The following LRRC4C variants were observed in gnomAD, a reference collection of about 807,000 sequenced individuals.
LRRC4C encodes leucine rich repeat containing 4C.
Under a neutral mutation model 33.6 loss-of-function variants are expected in LRRC4C, and 5 were observed. The observed-to-expected ratio is 0.15, with a 90% CI of 0.08 to 0.31. The LOEUF (loss-of-function observed/expected upper bound fraction) is 0.31. LRRC4C is among the 10% of genes least tolerant of loss of function. The pLI is 1.00. For missense variants in LRRC4C, 560 were observed against 796.7 expected (o/e 0.70, Z 3.58); for synonymous variants, 329 against 302.0 (o/e 1.09, Z -0.93).
chr11:41,028,362 T>A (rs1184288558), intron 1 of LRRC4C, among the ~76,000 whole-genome samples: 2 of 151,622 alleles, frequency 1.3e-5, no homozygotes, highest in Non-Finnish European at 3.0e-5. Context: ...ATAGTAAGAA[T>A]CTATGTTTCT....
At chr11:40,139,413 C>A (rs1857211962) in intron 6 of LRRC4C, among the ~76,000 whole-genome samples, 1 of 152,140 alleles carries the variant, frequency 6.6e-6, no homozygotes, top group African/African-American at 2.4e-5. Flanking sequence ...ATTTAGGATT[C>A]AACAAATAGG....
At chr11:40,608,409 T>A (rs1459594915) in intron 3 of LRRC4C, among the ~76,000 whole-genome samples, 2 of 151,124 alleles carry the variant, frequency 1.3e-5, no homozygotes, top group African/African-American at 2.4e-5. Context: ...GAGAAATGAA[T>A]CAAAGCCTGT....
intron 1 of LRRC4C, among the ~76,000 whole-genome samples, chr11:41,184,894 A>G (rs893984971): frequency 3.3e-5 from 5 of 152,110 alleles, no homozygotes; most frequent in Non-Finnish European, 5.9e-5. Context: ...GTGGAAGGCA[A>G]AGAGGAGCAA....
At chr11:41,295,753 C>T (rs751437805) in intron 1 of LRRC4C, among the ~76,000 whole-genome samples, 24 of 152,056 alleles carry the variant, frequency 1.6e-4, no homozygotes, top group Non-Finnish European at 3.4e-4. Flanking sequence ...TTATTATTTC[C>T]ATCTACCTGA....
chr11:40,913,621 C>A (rs1235613413), intron 2 of LRRC4C, among the ~76,000 whole-genome samples: 1 of 152,142 alleles, frequency 6.6e-6, no homozygotes, highest in African/African-American at 2.4e-5. Flanking sequence ...GACACCCTAA[C>A]ATCACTATTA....
intron 2 of LRRC4C, among the ~76,000 whole-genome samples, chr11:40,659,548 C>T (rs1943314719): frequency 6.6e-6 from 1 of 152,082 alleles, no homozygotes; most frequent in African/African-American, 2.4e-5. Context: ...CCTTGTGAGC[C>T]CATAAAAACC....
At chr11:40,743,864 A>G (rs1948285482) in intron 2 of LRRC4C, among the ~76,000 whole-genome samples, 1 of 151,966 alleles carries the variant, frequency 6.6e-6, no homozygotes, top group Non-Finnish European at 1.5e-5. Context: ...CTGTTACTTG[A>G]TAGACGTGCT....
rs183796866 is a variant in LRRC4C at position 40,688,707 on chromosome 11, C to T, written c.-406-40429G>A. On this transcript the variant is annotated intron_variant, in intron 2 of 6. Coordinates refer to ENST00000528697, the MANE Select transcript of LRRC4C (RefSeq NM_001258419.2). ...GGAAAACTTTTTACAAGAAATGACA[C>T]GAAAGATGACATAGAAGGCCAATTC... 1.7e-4 allele frequency among the ~76,000 whole-genome samples: 26 copies of T among 152,160 alleles called. 1 individual carries two copies. Among genetic ancestry groups the T allele is most frequent in the African/African-American group, 5.5e-4 (23 of 41,512 alleles).
intron 5 of LRRC4C, among the ~76,000 whole-genome samples, chr11:40,158,848 A>G (rs930691941): frequency 3.3e-5 from 5 of 152,208 alleles, no homozygotes; most frequent in African/African-American, 1.2e-4. Context: ...CATGAAACTC[A>G]TATCAAATCA....
At chr11:41,231,771 A>G (rs1026702767) in intron 1 of LRRC4C, among the ~76,000 whole-genome samples, 5 of 151,648 alleles carry the variant, frequency 3.3e-5, no homozygotes, top group East Asian at 1.9e-4. Context: ...TAATATATAT[A>G]TGTGTGTGTG....
chr11:40,237,524 T>C (rs916603982), intron 5 of LRRC4C, among the ~76,000 whole-genome samples: 7 of 152,166 alleles, frequency 4.6e-5, no homozygotes, highest in East Asian at 1.9e-4. Flanking sequence ...TTAAGTAGCA[T>C]TGTGTATATA....
intron 3 of LRRC4C, among the ~76,000 whole-genome samples, chr11:40,347,701 G>A (rs899246758): frequency 6.6e-6 from 1 of 152,066 alleles, no homozygotes; most frequent in Non-Finnish European, 1.5e-5. Context: ...CTCTGCCTCC[G>A]GGGTTCGAGC....
At chr11:41,250,315 T>C (rs1178562393) in intron 1 of LRRC4C, among the ~76,000 whole-genome samples, 2 of 152,208 alleles carry the variant, frequency 1.3e-5, no homozygotes, top group Non-Finnish European at 2.9e-5. Context: ...TAGAAGGATA[T>C]TTTAAAAGTC....
At chr11:40,610,127 C>G (rs996860862) in intron 3 of LRRC4C, among the ~76,000 whole-genome samples, 1 of 151,746 alleles carries the variant, frequency 6.6e-6, no homozygotes, top group African/African-American at 2.4e-5. Flanking sequence ...GAGAAAAAAT[C>G]CCCCCAAAAT....
chr11:40,410,743 T>C (rs11035825), intron 3 of LRRC4C, among the ~76,000 whole-genome samples: 49,784 of 151,976 alleles, frequency 0.33, 9,641 homozygotes, highest in South Asian at 0.46. Flanking sequence ...AGGTAAAAGT[T>C]CTAAATTTTG....
intron 4 of LRRC4C, among the ~76,000 whole-genome samples, chr11:40,267,724 A>C (rs1415287817): frequency 6.6e-6 from 1 of 152,134 alleles, no homozygotes; most frequent in Non-Finnish European, 1.5e-5. Context: ...AAAACTAATA[A>C]TCATACTTTG....
chr11:40,596,570 T>G (rs1959327239), intron 3 of LRRC4C, among the ~76,000 whole-genome samples: 1 of 152,100 alleles, frequency 6.6e-6, no homozygotes, highest in Non-Finnish European at 1.5e-5. Context: ...AAGCATATTT[T>G]TGTACGCTTC....
chr11:41,268,376 C>T (rs974883515), intron 1 of LRRC4C, among the ~76,000 whole-genome samples: 3 of 152,032 alleles, frequency 2.0e-5, no homozygotes, highest in African/African-American at 7.2e-5. Flanking sequence ...GCTTTACTGA[C>T]CCATAGAAAT....
At chr11:40,336,124 G>A (rs1477116846) in intron 3 of LRRC4C, among the ~76,000 whole-genome samples, 1 of 152,082 alleles carries the variant, frequency 6.6e-6, no homozygotes, top group Non-Finnish European at 1.5e-5. Context: ...CTAGATGATG[G>A]CGATATAATA....
Sources: allele counts gnomAD v4.1 joint callset (sites outside exome capture counted in the v4.1 genomes callset), GRCh38; gene constraint gnomAD v4.1.1; transcripts MANE v1.5; gene names NCBI Gene and HGNC (gene_info 2026-07-23, HGNC 2026-07-21).